The following NAV3 variants were observed in gnomAD, a reference collection of about 807,000 sequenced individuals.
NAV3 encodes neuron navigator 3, also known as pore membrane and/or filament interacting like protein 1.
Under a neutral mutation model 244.7 loss-of-function variants are expected in NAV3, and 87 were observed. The ratio of observed to expected loss-of-function variants is 0.36; its 90% CI spans 0.30 to 0.42. The LOEUF is 0.42. Ranked by LOEUF, NAV3 falls within the 20% of genes least tolerant of loss-of-function variation. The probability of loss-of-function intolerance (pLI) is 1.00; values close to 1 mark genes in which losing one functional copy is unlikely to be tolerated. For synonymous variants in NAV3, 1,126 were observed against 1,042.2 expected (o/e 1.08, Z -1.55); for missense variants, 2,663 against 2,893.3 (o/e 0.92, Z 1.83).
At chr12:78,130,064 A>G (rs541182163) in intron 18 of NAV3, among the ~76,000 whole-genome samples, 2 of 152,212 alleles carry the variant, frequency 1.3e-5, no homozygotes, top group African/African-American at 4.8e-5. Context: ...ATGAGGCACA[A>G]CAGTCAATTT....
At chr12:78,110,170 A>G (rs1248204311) in intron 12 of NAV3, among the ~76,000 whole-genome samples, 1 of 152,096 alleles carries the variant, frequency 6.6e-6, no homozygotes, top group African/African-American at 2.4e-5. Context: ...TAAGAAAGAA[A>G]TCAAGAAAGT....
At chr12:78,046,674 G>C (rs1881850707) in intron 9 of NAV3, among the ~76,000 whole-genome samples, 1 of 152,306 alleles carries the variant, frequency 6.6e-6, no homozygotes, top group South Asian at 2.1e-4. Context: ...TTTAGAATAA[G>C]TGTGATGTGG....
chr12:77,693,086 C>A (rs1281211106), intron 2 of NAV3, among the ~76,000 whole-genome samples: 1 of 152,014 alleles, frequency 6.6e-6, no homozygotes, highest in Non-Finnish European at 1.5e-5. Flanking sequence ...GTGTCCAGAG[C>A]ACAGAGAAAC....
chr12:77,597,856 G>A (rs1206842294), intron 2 of NAV3, among the ~76,000 whole-genome samples: 1 of 152,064 alleles, frequency 6.6e-6, no homozygotes. Flanking sequence ...TTTCAGGTAA[G>A]CATACAGTTT....
intron 2 of NAV3, among the ~76,000 whole-genome samples, chr12:77,672,322 G>A (rs1874015029): frequency 6.6e-6 from 1 of 152,104 alleles, no homozygotes; most frequent in South Asian, 2.1e-4. Flanking sequence ...AACCATTACG[G>A]AAAATAGTGT....
At chr12:77,722,349 T>G (rs1024035353) in intron 2 of NAV3, among the ~76,000 whole-genome samples, 2 of 152,046 alleles carry the variant, frequency 1.3e-5, no homozygotes, top group African/African-American at 4.8e-5. Context: ...CTCATACTCT[T>G]TCAGGAAAAC....
At chr12:77,874,591 AAAC>A (rs1343289933) in intron 1 of NAV3, among the ~76,000 whole-genome samples, 1 of 151,900 alleles carries the variant, frequency 6.6e-6, no homozygotes, top group Non-Finnish European at 1.5e-5. Context: ...TATTACTAGT[AAAC>A]AATTTCTTGT....
intron 2 of NAV3, among the ~76,000 whole-genome samples, chr12:77,623,003 TTAGACAGTGTCACATTAGAAAGTGA>T (rs1565741287): frequency 6.6e-6 from 1 of 152,258 alleles, no homozygotes; most frequent in East Asian, 1.9e-4. Context: ...CAATCTTTTG[TTAGACAGTGTCACATTAGAAAGTGA>T]TGGATACCAA....
intron 2 of NAV3, among the ~76,000 whole-genome samples, chr12:77,803,653 T>A (rs1229110031): frequency 3.3e-5 from 5 of 152,190 alleles, no homozygotes; most frequent in Non-Finnish European, 7.3e-5. Flanking sequence ...AGTAATGGGA[T>A]TGCTGGGTCA....
intron 18 of NAV3, among the ~76,000 whole-genome samples, chr12:78,131,477 AG>A (rs956179075): frequency 3.3e-5 from 5 of 152,184 alleles, no homozygotes; most frequent in African/African-American, 1.2e-4. Flanking sequence ...TGTAGGTCAT[AG>A]GAATATGAAA....
At chr12:78,190,260 A>T (rs767994126) in intron 34 of NAV3, 41 bp downstream of exon 34, 1 of 1,514,202 alleles carries the variant, frequency 6.6e-7, no homozygotes, top group African/African-American at 1.4e-5. Context: ...CAATTTATCC[A>T]TAAGTGTTTT....
intron 2 of NAV3, among the ~76,000 whole-genome samples, chr12:77,805,151 C>G (rs10777454): frequency 0.66 from 100,064 of 151,974 alleles, 33,014 homozygotes; most frequent in Middle Eastern, 0.68. Context: ...TACTTGAATA[C>G]CCTTTATTTC....
At chr12:77,757,375 A>G (rs1477955379) in intron 2 of NAV3, among the ~76,000 whole-genome samples, 1 of 152,206 alleles carries the variant, frequency 6.6e-6, no homozygotes, top group African/African-American at 2.4e-5. Context: ...AGACAAAACT[A>G]GTTTACCACA....
At chr12:77,740,287 A>T (rs190556689) in intron 2 of NAV3, among the ~76,000 whole-genome samples, 1 of 152,130 alleles carries the variant, frequency 6.6e-6, no homozygotes, top group South Asian at 2.1e-4. Context: ...TTAATTTGAC[A>T]TTTCTAATGT....
chr12:78,053,036 T>C (rs12317578), intron 11 of NAV3, among the ~76,000 whole-genome samples: 4,656 of 151,838 alleles, frequency 0.031, 235 homozygotes, highest in African/African-American at 0.1. Flanking sequence ...CTGCCCAACA[T>C]GGCAAAAACC....
chr12:78,006,599 G>T lies in NAV3; in HGVS notation c.1061G>T (p.Ser354Ile). Residue 354 changes from serine to isoleucine, a missense_variant, in exon 8 of 40, where the codon AGT becomes ATT. This residue lies in a region of NAV3 where 1,521 missense variants were observed against 1,497.0 expected (regional missense o/e 1.02). Transcript: ENST00000397909. ...ACCATGTTGACTGTAAAGCAGTCAA[G>T]TACAGCCACCTCCCCCACACCATCT... ...TSTMLTVKQS[S>I]TATSPTPSSD... The T allele has an allele frequency of 6.2e-7, 1 of 1,614,058 alleles. No homozygotes were observed. Among genetic ancestry groups the T allele is most frequent in the Non-Finnish European group, 8.5e-7 (1 of 1,180,016 alleles).
At position 77,831,201 on chromosome 12, in the gene NAV3, G is replaced by GAGAC. The variant is rs1873623010; in HGVS notation, c.-258_-257insCAGA. 1 of 155,156 alleles carries GAGAC rather than the reference G, an allele frequency of 6.4e-6. No homozygotes were observed. The highest frequency in any genetic ancestry group is 3.0e-5 in the African/African-American group (1 of 33,790). 9.6% of individuals were successfully genotyped at this position (155,156 alleles called of 1,614,324 possible). On this transcript the variant is annotated 5_prime_UTR_variant, in exon 1 of 40. Transcript: ENST00000397909. Reference sequence around the variant, plus strand: ...AGAGAGAGAGAGAGAGAGACAGAGAGAGAGAGAGAGAGAGAGAAAGAGAGA... The same window carrying GAGAC: ...AGAGAGAGAGAGAGAGAGACAGAGAGAGACAGAGAGAGAGAGAGAGAAAGAGAGA...
In NAV3 at chr12:78,140,323, C is replaced by G. The variant is rs571780978; in HGVS notation, c.4672C>G (p.Leu1558Val). The change falls in exon 20 of 40, where the codon CTT (leucine) becomes GTT (valine). Residue 1558 changes from leucine (L) to valine (V), a missense_variant. Leu to Val is a conservative substitution (Grantham distance 32). Coordinates refer to ENST00000397909, the MANE Select transcript of NAV3 (RefSeq NM_001024383.2). ...SLSLVSSTSS[L>V]YSTAEEKAHS... The stretch of plus-strand genomic sequence containing the variant: ...ATCACTGGTGTCCAGCACTTCTTCT[C>G]TTTACTCTACAGTAAGTAATGGCTG... 7 of 1,613,136 alleles carry G rather than the reference C, an allele frequency of 4.3e-6. No individual in the cohort carries two copies. The East Asian group carries it at 8.9e-5, about 21-fold the overall frequency.
chr12:77,767,970 G>C (rs1313151589), intron 2 of NAV3, among the ~76,000 whole-genome samples: 1 of 152,204 alleles, frequency 6.6e-6, no homozygotes, highest in African/African-American at 2.4e-5. Flanking sequence ...GGGTGAGCAA[G>C]GTGAAGAAGT....
Sources: gnomAD v4.1 joint callset for allele counts (sites outside exome capture counted in the v4.1 genomes callset) on GRCh38, gnomAD v4.1.1 for gene constraint, gnomAD v4.1.1 regional missense constraint, MANE v1.5 for transcripts, NCBI Gene and HGNC (gene_info 2026-07-23, HGNC 2026-07-21) for gene names.